The following LMAN1 variants were observed in gnomAD, a reference collection of about 807,000 sequenced individuals.
LMAN1 encodes the protein protein ERGIC-53.
A neutral mutation model predicts 67.8 loss-of-function variants in LMAN1; 32 were observed. The observed-to-expected ratio is 0.47, with a 90% CI of 0.36 to 0.63. LMAN1 has a LOEUF of 0.63. Among genes scored for constraint, LMAN1 ranks in the 30% least tolerant of loss-of-function variants. LMAN1 has a pLI of 0.00. For missense variants in LMAN1, 632 were observed against 628.2 expected (o/e 1.01, Z -0.06); for synonymous variants, 235 against 219.3 (o/e 1.07, Z -0.63).
At chr18:59,351,985 A>G (rs1908553072) in intron 5 of LMAN1, among the ~76,000 whole-genome samples, 1 of 152,238 alleles carries the variant, frequency 6.6e-6, no homozygotes, top group South Asian at 2.1e-4. Context: ...AGAGATTTAG[A>G]CCCAGGAGTG....
intron 5 of LMAN1, among the ~76,000 whole-genome samples, chr18:59,350,659 T>C (rs538479935): frequency 2.0e-5 from 3 of 152,120 alleles, no homozygotes; most frequent in Non-Finnish European, 2.9e-5. Flanking sequence ...AAAGCCTGGC[T>C]AATTTTTTTG....
chr18:59,348,730 T>C (rs1319617994), intron 6 of LMAN1, among the ~76,000 whole-genome samples: 2 of 152,244 alleles, frequency 1.3e-5, no homozygotes, highest in Non-Finnish European at 2.9e-5. Flanking sequence ...CCTAAAACAC[T>C]TGGCAATTAA....
In LMAN1 at chr18:59,339,082, A is replaced by G; in HGVS notation, c.956-129T>C. On this transcript the variant is annotated intron_variant, in intron 8 of 12. Transcript: ENST00000251047. ...CACCATCACAGTGGTACAATCTCCC[A>G]AACAGAAAATATGCAAATAATTAAT... is the stretch of plus-strand genomic sequence containing the variant. 4.2e-6 allele frequency: 3 copies of G among 706,596 alleles called. No individual in the cohort carries two copies. The South Asian group carries it at 4.7e-5, about 11-fold the overall frequency. The allele number at this position is 706,596 out of a possible 1,614,324, so 43.8% of individuals were successfully genotyped here.
chr18:59,355,408 C>T lies in LMAN1; in HGVS notation c.382G>A (p.Ala128Thr). ...IGADGLAIWY[A>T]ENQGLEGPVF... ...GGGCCCTCCAAGCCTTGATTTTCTG[C>T]ATACCAAATTGCCTGAAAATATGTA... Residue 128 changes from alanine to threonine, a missense_variant, in exon 3 of 13, where the codon GCA becomes ACA. Physicochemically the swap from Ala to Thr is moderately conservative, Grantham distance 58. Coordinates refer to ENST00000251047, the MANE Select transcript of LMAN1 (RefSeq NM_005570.4). The T allele has an allele frequency of 6.2e-7, 1 of 1,614,006 alleles. No homozygotes were observed. The highest frequency in any genetic ancestry group is 8.5e-7 in the Non-Finnish European group (1 of 1,179,896).
chr18:59,333,063 T>C, intron 11 of LMAN1, 28 bp downstream of exon 11: 1 of 1,580,514 alleles, frequency 6.3e-7, no homozygotes, highest in African/African-American at 1.3e-5. Context: ...AAGATTATAA[T>C]TATAAAAGGA....
At chr18:59,350,247 T>C (rs1043531942) in intron 5 of LMAN1, among the ~76,000 whole-genome samples, 1 of 152,230 alleles carries the variant, frequency 6.6e-6, no homozygotes, top group Non-Finnish European at 1.5e-5. Context: ...CATATTAATA[T>C]GTTTCCTGTG....
Position 59,332,971 on chromosome 18 carries a change from T to C in LMAN1, c.1374+120A>G, listed in dbSNP as rs1195210957. 4.9e-6 allele frequency: 4 copies of C among 821,044 alleles called. No homozygotes were observed. The African/African-American group carries it at 6.9e-5, about 14-fold the overall frequency. 50.9% of individuals were successfully genotyped at this position (821,044 alleles called of 1,614,324 possible). ...AGATCTGCAATAAATGGGACAATTC[T>C]ACCTTAAACATTAAAAATAAGCATT... On this transcript the variant is annotated intron_variant, in intron 11 of 12. Coordinates refer to ENST00000251047, the MANE Select transcript of LMAN1 (RefSeq NM_005570.4).
chr18:59,345,041 C>G (rs796842840), intron 8 of LMAN1, among the ~76,000 whole-genome samples: 3 of 152,248 alleles, frequency 2.0e-5, no homozygotes, highest in African/African-American at 7.2e-5. Context: ...CTAAACAATA[C>G]TTTTCAAACA....
At chr18:59,353,152 T>A (rs1908582248) in intron 5 of LMAN1, 50 bp downstream of exon 5, 4 of 1,444,008 alleles carry the variant, frequency 2.8e-6, no homozygotes, top group Non-Finnish European at 3.9e-6. Flanking sequence ...AAATGAAAAG[T>A]GATACTGTAA....
rs2070759198 is a variant in LMAN1, at chr18:59,333,191, G to A, written c.1274C>T (p.Ser425Phe). ...RLVSGMQHPG[S>F]AGGVYETTQH... ...TGTTGTCTCATAGACGCCTCCAGCA[G>A]AGCCAGGGTGCTGCATTCCACTGAC... is the stretch of plus-strand genomic sequence containing the variant. The change falls in exon 11 of 13, where the codon TCT becomes TTT. Residue 425 changes from serine (S) to phenylalanine (F), a missense_variant. By Grantham distance (155) the Ser-to-Phe change is radical. Coordinates refer to ENST00000251047, the MANE Select transcript of LMAN1 (RefSeq NM_005570.4). 1.2e-6 allele frequency: 2 copies of A among 1,613,698 alleles called. No homozygotes were observed. The highest frequency in any genetic ancestry group is 1.7e-6 in the Non-Finnish European group (2 of 1,179,748).
At position 59,353,492 on chromosome 18, in the gene LMAN1, C is replaced by T. The variant is rs555616430; in HGVS notation, c.540-191G>A. ...ACCCTAGGGCAGAACATGAATCACT[C>T]TCTGGGCTTTTAACATGTAGATTCC... On this transcript the variant is annotated intron_variant, in intron 4 of 12. Transcript: ENST00000251047. Among the ~76,000 whole-genome samples the T allele has an allele frequency of 3.9e-5, 6 of 152,280 alleles. No individual in the cohort carries two copies. In the South Asian group the frequency reaches 1.2e-3, roughly 32 times the overall value.
At chr18:59,354,778 C>G (rs540242273) in intron 3 of LMAN1, among the ~76,000 whole-genome samples, 198 bp from the exon 4 acceptor site, 8 of 152,188 alleles carry the variant, frequency 5.3e-5, no homozygotes, top group Non-Finnish European at 1.2e-4. Flanking sequence ...GAGAAACAAC[C>G]AGCTGATGGG....
At chr18:59,355,014 C>T (rs1387868445) in intron 3 of LMAN1, among the ~76,000 whole-genome samples, 2 of 152,160 alleles carry the variant, frequency 1.3e-5, no homozygotes, top group African/African-American at 4.8e-5. Context: ...GTTTTCACCA[C>T]CTACGTCTAA....
At chr18:59,334,595 C>T (rs1295854188) in intron 10 of LMAN1, among the ~76,000 whole-genome samples, 1 of 152,072 alleles carries the variant, frequency 6.6e-6, no homozygotes, top group Non-Finnish European at 1.5e-5. Context: ...GGAAGGAGAG[C>T]AAGTGAAGAT....
chr18:59,358,686 T>G (rs1224019845), intron 1 of LMAN1, among the ~76,000 whole-genome samples: 1 of 152,022 alleles, frequency 6.6e-6, no homozygotes, highest in African/African-American at 2.4e-5. Flanking sequence ...CGTGGCGTTG[T>G]GAAACATGAT....
chr18:59,331,816 G>A (rs2070749355), intron 11 of LMAN1, among the ~76,000 whole-genome samples: 2 of 152,048 alleles, frequency 1.3e-5, no homozygotes, highest in South Asian at 4.2e-4. Context: ...CTGTCCCTGA[G>A]GTCACTGAGA....
At chr18:59,345,857 C>A in intron 8 of LMAN1, 62 bp downstream of exon 8, 1 of 1,593,532 alleles carries the variant, frequency 6.3e-7, no homozygotes, top group South Asian at 1.1e-5. Flanking sequence ...GAGACTCAAG[C>A]GTCCATGATC....
At position 59,338,599 on chromosome 18, in the gene LMAN1, A is replaced by G. The variant is rs374176132; in HGVS notation, c.1178T>C (p.Val393Ala). 1.2e-4 allele frequency: 189 copies of G among 1,613,882 alleles called. 2 individuals carry two copies. In the South Asian group the frequency reaches 2.0e-3, roughly 17 times the overall value. ...TCTCAGAATCTCATGCTGAGTTTTC[A>G]CAACAGTATCCAGTTCTTGTTGAGT... ...QITQQELDTVVKTQHEILRQV... is the reference protein window; with the variant it reads ...QITQQELDTVAKTQHEILRQV... Residue 393 changes from valine to alanine, a missense_variant, in exon 10 of 13, where the codon GTG (valine) becomes GCG (alanine). Transcript: ENST00000251047.
chr18:59,358,903 C>A, intron 1 of LMAN1, 128 bp downstream of exon 1: 2 of 961,300 alleles, frequency 2.1e-6, no homozygotes, highest in Non-Finnish European at 3.2e-6. Context: ...AGGGTCCCCT[C>A]CACAGCGCAT....
Sources: allele counts gnomAD v4.1 joint callset (sites outside exome capture counted in the v4.1 genomes callset), GRCh38; gene constraint gnomAD v4.1.1; transcripts MANE v1.5; gene names NCBI Gene and HGNC (gene_info 2026-07-23, HGNC 2026-07-21).